Variants in PPFIA1 observed in about 807,000 individuals in gnomAD.
PPFIA1 encodes the protein liprin-alpha-1.
PPFIA1 carries 25 observed loss-of-function variants against 149.9 expected under a neutral mutation model. The observed-to-expected ratio is 0.17, with a 90% confidence interval of 0.12 to 0.23. The LOEUF (loss-of-function observed/expected upper bound fraction) is 0.23. PPFIA1 is among the 10% of genes least tolerant of loss of function. PPFIA1 has a pLI of 1.00. For missense variants in PPFIA1, 1,362 were observed against 1,506.5 expected, an observed-to-expected ratio of 0.90 and a Z score of 1.59; for synonymous variants, 549 against 552.8, an observed-to-expected ratio of 0.99 and a Z score of 0.10.
chr11:70,279,905 A>ATTG (rs368563994), intron 2 of PPFIA1, among the ~76,000 whole-genome samples: 3 of 144,974 alleles, frequency 2.1e-5, no homozygotes, highest in African/African-American at 8.0e-5. Context: ...TGTGTGGGGG[A>ATTG]TGTGTGTGTG....
intron 2 of PPFIA1, among the ~76,000 whole-genome samples, chr11:70,283,762 CG>C (rs2050918655): frequency 1.3e-4 from 1 of 8,000 alleles, no homozygotes; most frequent in East Asian, 3.0e-3. Context: ...GTCAAGCTTG[CG>C]GGGAGAAGGG....
At position 70,343,842 on chromosome 11, in the gene PPFIA1, A is replaced by G; in HGVS notation, c.1881A>G (p.Thr627=). The G allele has an allele frequency of 7.4e-6, 12 of 1,614,128 alleles. No homozygotes were observed. Among genetic ancestry groups the G allele is most frequent in the Non-Finnish European group, 1.0e-5 (12 of 1,180,030 alleles). The change falls in exon 15 of 28, where the codon ACA becomes ACG. Residue 627 remains threonine, a synonymous_variant. Transcript: ENST00000253925. ...LSPSGQADAH[T]LAMMLQEQLD... is the part of the protein sequence containing the mutation. ...CCAGCGGGCAGGCCGACGCGCACAC[A>G]CTAGCCATGATGCTTCAGGAGCAGC... is the stretch of plus-strand genomic sequence containing the variant.
At chr11:70,329,513 C>T (rs1266187768) in intron 7 of PPFIA1, among the ~76,000 whole-genome samples, 1 of 152,148 alleles carries the variant, frequency 6.6e-6, no homozygotes, top group Non-Finnish European at 1.5e-5. Context: ...GTGGCGCCAT[C>T]ATAGCTCACT....
At chr11:70,375,372 A>C (rs2057451181) in intron 24 of PPFIA1, 1 of 269,554 alleles carries the variant, frequency 3.7e-6, no homozygotes, top group Non-Finnish European at 6.8e-6. Flanking sequence ...ATGGAAAGAG[A>C]AGTGTTTTTA....
rs1263484034 is a variant in PPFIA1, at chr11:70,383,303, C to A, written c.*313C>A. The A allele has an allele frequency of 4.0e-6, 1 of 247,680 alleles. No homozygotes were observed. The highest frequency in any genetic ancestry group is 7.7e-6 in the Non-Finnish European group (1 of 129,276). The allele number at this position is 247,680 out of a possible 1,614,324, so 15.3% of individuals were successfully genotyped here. A position where few individuals can be genotyped will look rare whatever the true frequency, so the allele number is the denominator to read the frequency against. Reference sequence around the variant, plus strand: ...TCATGTTCTTATACCTAATTTTAGTCTTTCAAATGAATGTACTGTAATGCT... The same window carrying A: ...TCATGTTCTTATACCTAATTTTAGTATTTCAAATGAATGTACTGTAATGCT... On this transcript the variant is annotated 3_prime_UTR_variant, in exon 28 of 28. Coordinates refer to ENST00000253925, the MANE Select transcript of PPFIA1 (RefSeq NM_003626.5).
chr11:70,380,403 T>C (rs369777597), intron 26 of PPFIA1, among the ~76,000 whole-genome samples: 5 of 128,746 alleles, frequency 3.9e-5, no homozygotes, highest in Non-Finnish European at 3.3e-5. Flanking sequence ...CCATCTCTAC[T>C]AAAAATACAA....
chr11:70,298,290 C>A (rs1434735258), intron 2 of PPFIA1, among the ~76,000 whole-genome samples: 1 of 152,084 alleles, frequency 6.6e-6, no homozygotes, highest in African/African-American at 2.4e-5. Flanking sequence ...TGGTAGAAGG[C>A]CTATGCAGGA....
At chr11:70,315,589 C>T (rs997910876) in intron 2 of PPFIA1, among the ~76,000 whole-genome samples, 1 of 151,502 alleles carries the variant, frequency 6.6e-6, no homozygotes, top group Non-Finnish European at 1.5e-5. Context: ...CTCTGCATGC[C>T]GGTTTCTCAT....
intron 2 of PPFIA1, among the ~76,000 whole-genome samples, chr11:70,290,287 C>T: frequency 6.6e-6 from 1 of 152,084 alleles, no homozygotes; most frequent in Middle Eastern, 3.2e-3. Flanking sequence ...TTCAAAAGAC[C>T]AGAACTTTGT....
intron 14 of PPFIA1, among the ~76,000 whole-genome samples, chr11:70,340,103 GC>G (rs1398071394): frequency 6.6e-6 from 1 of 150,850 alleles, no homozygotes; most frequent in Non-Finnish European, 1.5e-5. Flanking sequence ...CTTGAGACCA[GC>G]TTTGGCAACA....
intron 19 of PPFIA1, among the ~76,000 whole-genome samples, chr11:70,357,748 C>T (rs373703223): frequency 3.3e-5 from 5 of 152,138 alleles, no homozygotes; most frequent in East Asian, 3.9e-4. Context: ...CCACCACACC[C>T]GGCTAATTTT....
intron 2 of PPFIA1, among the ~76,000 whole-genome samples, chr11:70,321,088 T>C (rs2053912016): frequency 6.6e-6 from 1 of 152,090 alleles, no homozygotes; most frequent in African/African-American, 2.4e-5. Context: ...TATTAGAAGG[T>C]AGAGCCCTTG....
chr11:70,348,328 A>C lies in PPFIA1; in HGVS notation c.2071A>C (p.Ser691Arg). The C allele has an allele frequency of 6.2e-7, 1 of 1,614,152 alleles. No individual in the cohort carries two copies. The highest frequency in any genetic ancestry group is 1.1e-5 in the South Asian group (1 of 91,084). Residue 691 changes from serine to arginine, a missense_variant, in exon 16 of 28, where the codon AGC (serine) becomes CGC (arginine). By Grantham distance (110) the Ser-to-Arg change is moderately radical. Transcript: ENST00000253925. The part of the protein sequence containing the change: ...IPPYPASSLA[S>R]SSPPGSGRST... ...CCCCTACCCTGCTTCCTCGCTTGCT[A>C]GCTCCTCCCCTCCGGGCAGTGGGCG...
At chr11:70,277,333 T>C (rs969183839) in intron 2 of PPFIA1, among the ~76,000 whole-genome samples, 5 of 151,970 alleles carry the variant, frequency 3.3e-5, no homozygotes, top group Non-Finnish European at 7.4e-5. Flanking sequence ...CTTACAAGTT[T>C]ATGTACTTTA....
chr11:70,288,841 A>G (rs1195951189), intron 2 of PPFIA1, among the ~76,000 whole-genome samples: 1 of 151,978 alleles, frequency 6.6e-6, no homozygotes, highest in Admixed American at 6.6e-5. Flanking sequence ...CCTACTTTGT[A>G]CTTTTCCTGC....
chr11:70,347,724 C>T (rs1357385673), intron 15 of PPFIA1, among the ~76,000 whole-genome samples: 1 of 152,042 alleles, frequency 6.6e-6, no homozygotes, highest in Non-Finnish European at 1.5e-5. Flanking sequence ...AAAAATTTGG[C>T]CAGGAGCTGT....
chr11:70,308,753 A>G (rs1341722705), intron 2 of PPFIA1, among the ~76,000 whole-genome samples: 1 of 152,038 alleles, frequency 6.6e-6, no homozygotes, highest in Non-Finnish European at 1.5e-5. Flanking sequence ...GCAACATAAC[A>G]TCTCTTAAAA....
intron 19 of PPFIA1, among the ~76,000 whole-genome samples, chr11:70,357,930 T>G (rs1383554843): frequency 6.6e-6 from 1 of 152,182 alleles, no homozygotes; most frequent in Non-Finnish European, 1.5e-5. Context: ...TTTGGCCCTG[T>G]GAAACTTAAT....
chr11:70,309,790 G>A (rs2053136575), intron 2 of PPFIA1, among the ~76,000 whole-genome samples: 1 of 152,158 alleles, frequency 6.6e-6, no homozygotes, highest in Non-Finnish European at 1.5e-5. Context: ...TGAAATGTCC[G>A]AAACAGGCAG....
Sources: allele counts gnomAD v4.1 joint callset (sites outside exome capture counted in the v4.1 genomes callset), GRCh38; gene constraint gnomAD v4.1.1; transcripts MANE v1.5; gene names NCBI Gene and HGNC (gene_info 2026-07-23, HGNC 2026-07-21).